SLIT2: variants seen among roughly 807,000 people sequenced by gnomAD.
The protein encoded by SLIT2 is slit homolog 2 protein.
Under a neutral mutation model 185.7 loss-of-function variants are expected in SLIT2, and 41 were observed. The ratio of observed to expected loss-of-function variants is 0.22; its 90% CI spans 0.17 to 0.29. The LOEUF (loss-of-function observed/expected upper bound fraction) is 0.29, where lower values mean the gene tolerates loss of function less well. SLIT2 is among the 10% of genes least tolerant of loss of function. The pLI, the probability that SLIT2 is intolerant of heterozygous loss-of-function variation, is 1.00. For synonymous variants in SLIT2, 693 were observed against 680.2 expected, an observed-to-expected ratio of 1.02 and a Z score of -0.29; for missense variants, 1,571 against 1,909.0, an observed-to-expected ratio of 0.82 and a Z score of 3.30.
intron 21 of SLIT2, among the ~76,000 whole-genome samples, chr4:20,543,073 A>G (rs1324211576): frequency 1.3e-5 from 2 of 151,752 alleles, no homozygotes; most frequent in Non-Finnish European, 2.9e-5. Context: ...TGTACAGGAA[A>G]CTTTTTTTTT....
At chr4:20,560,422 A>T (rs529064960) in intron 26 of SLIT2, among the ~76,000 whole-genome samples, 1 of 152,096 alleles carries the variant, frequency 6.6e-6, no homozygotes, top group Non-Finnish European at 1.5e-5. Flanking sequence ...GAAGAAATTG[A>T]TTATCAGATC....
rs548551043 is a variant in SLIT2, at chr4:20,354,134, C to T, written c.395+85253C>T. Among the ~76,000 whole-genome samples, 3 of 152,154 alleles carry T rather than the reference C, an allele frequency of 2.0e-5. No homozygotes were observed. The South Asian group carries it at 6.2e-4, about 32-fold the overall frequency. Reference sequence around the variant, plus strand: ...TTTGCAATTTCCCTCAAATTAACTACCAGGCAGGCATCAATTTGTCATTTT... The same window carrying T: ...TTTGCAATTTCCCTCAAATTAACTATCAGGCAGGCATCAATTTGTCATTTT... On this transcript the variant is annotated intron_variant, in intron 4 of 36. Transcript: ENST00000504154.
intron 4 of SLIT2, among the ~76,000 whole-genome samples, chr4:20,321,187 A>T (rs538018287): frequency 6.6e-6 from 1 of 152,192 alleles, no homozygotes; most frequent in East Asian, 1.9e-4. Context: ...TCTCCTCCAA[A>T]CCAATGTCTT....
chr4:20,559,198 A>G (rs771052776), intron 26 of SLIT2, among the ~76,000 whole-genome samples: 3 of 152,062 alleles, frequency 2.0e-5, no homozygotes, highest in Non-Finnish European at 4.4e-5. Context: ...GCCTAAATTT[A>G]TCATTTCAAC....
At position 20,542,563 on chromosome 4, in the gene SLIT2, T is replaced by C. The variant is rs1286143561; in HGVS notation, c.2213T>C (p.Val738Ala). ...GAATGTACTTGCTTGGATACAGTCGTCCGATGTAGCAACAAGGGTTTGAAG... is the reference window on the plus strand; with the variant it reads ...GAATGTACTTGCTTGGATACAGTCGCCCGATGTAGCAACAAGGGTTTGAAG... ...PTECTCLDTVVRCSNKGLKVL... is the reference protein window; with the variant it reads ...PTECTCLDTVARCSNKGLKVL... The change falls in exon 21 of 37, where the codon GTC becomes GCC. Residue 738 changes from valine (V) to alanine (A), a missense_variant. Transcript: ENST00000504154. 1 of 1,613,754 alleles carries C rather than the reference T, an allele frequency of 6.2e-7. No individual in the cohort carries two copies. Among genetic ancestry groups the C allele is most frequent in the Non-Finnish European group, 8.5e-7 (1 of 1,179,802 alleles).
intron 33 of SLIT2, among the ~76,000 whole-genome samples, chr4:20,600,804 T>A (rs970559799): frequency 1.3e-5 from 2 of 152,060 alleles, no homozygotes; most frequent in African/African-American, 4.8e-5. Flanking sequence ...ACCAAAAAAA[T>A]TTTCTTGATT....
chr4:20,275,842 G>A (rs1038992859), intron 4 of SLIT2, among the ~76,000 whole-genome samples: 14 of 152,176 alleles, frequency 9.2e-5, no homozygotes, highest in African/African-American at 3.4e-4. Context: ...TATTTAGATT[G>A]CTGTTTTAAT....
At chr4:20,403,285 A>G (rs989233626) in intron 4 of SLIT2, among the ~76,000 whole-genome samples, 57 of 152,082 alleles carry the variant, frequency 3.7e-4, no homozygotes, top group African/African-American at 1.3e-3. Flanking sequence ...TTTGCCTTAC[A>G]ATGAATCATT....
chr4:20,566,766 A>G lies in SLIT2; in HGVS notation c.2726-496A>G, dbSNP rs546032448. The stretch of plus-strand genomic sequence containing the variant: ...TTTGTATCTCCTATATGAAAGTCGT[A>G]CTACTGAGTCAATGTTACCTGGGCA... On this transcript the variant is annotated intron_variant, in intron 26 of 36. Transcript: ENST00000504154. Among the ~76,000 whole-genome samples, 7 of 152,156 alleles carry G rather than the reference A, an allele frequency of 4.6e-5. No individual in the cohort carries two copies. In the South Asian group the frequency reaches 1.2e-3, roughly 27 times the overall value.
At chr4:20,511,686 C>A (rs1369582252) in intron 11 of SLIT2, among the ~76,000 whole-genome samples, 1 of 150,606 alleles carries the variant, frequency 6.6e-6, no homozygotes, top group East Asian at 2.0e-4. Flanking sequence ...TCTCGGCCTC[C>A]CAAAGTGCTG....
At chr4:20,530,910 G>T (rs56265650) in intron 16 of SLIT2, among the ~76,000 whole-genome samples, 47,813 of 150,480 alleles carry the variant, frequency 0.32, 7,936 homozygotes, top group Middle Eastern at 0.42. Context: ...AGTTATTAGG[G>T]ACATTCCAAT....
chr4:20,598,497 C>A, intron 33 of SLIT2, 102 bp downstream of exon 33: 2 of 1,385,718 alleles, frequency 1.4e-6, no homozygotes, highest in Non-Finnish European at 2.0e-6. Flanking sequence ...ACTAAGTTGG[C>A]CCCAGCAGGT....
intron 4 of SLIT2, among the ~76,000 whole-genome samples, chr4:20,341,983 A>G (rs1720996722): frequency 1.3e-5 from 2 of 152,196 alleles, no homozygotes; most frequent in African/African-American, 4.8e-5. Flanking sequence ...CTGGTAGTCA[A>G]AATCTATGAT....
chr4:20,297,702 TG>T (rs1716624369), intron 4 of SLIT2, among the ~76,000 whole-genome samples: 1 of 152,136 alleles, frequency 6.6e-6, no homozygotes, highest in South Asian at 2.1e-4. Context: ...CATGGGTTTT[TG>T]TGAGCAAAAA....
intron 4 of SLIT2, among the ~76,000 whole-genome samples, chr4:20,376,871 C>T (rs767484682): frequency 1.9e-4 from 28 of 149,822 alleles, no homozygotes; most frequent in East Asian, 4.2e-4. Context: ...CAGGGCCTGT[C>T]GTGGAGCGGG....
chr4:20,330,177 T>G (rs1719941481), intron 4 of SLIT2, among the ~76,000 whole-genome samples: 1 of 152,034 alleles, frequency 6.6e-6, no homozygotes, highest in South Asian at 2.1e-4. Flanking sequence ...TATTCTGTGG[T>G]TTTTTTTCTT....
intron 4 of SLIT2, among the ~76,000 whole-genome samples, chr4:20,296,921 C>T (rs543662860): frequency 6.6e-6 from 1 of 152,320 alleles, no homozygotes; most frequent in East Asian, 1.9e-4. Flanking sequence ...GCCCTTTCTT[C>T]TCTGCTAATG....
At chr4:20,430,773 A>G (rs994871885) in intron 4 of SLIT2, among the ~76,000 whole-genome samples, 2 of 152,190 alleles carry the variant, frequency 1.3e-5, no homozygotes, top group Non-Finnish European at 1.5e-5. Flanking sequence ...ACTGCTAACA[A>G]TGACATCACA....
At chr4:20,392,510 A>G (rs568474491) in intron 4 of SLIT2, among the ~76,000 whole-genome samples, 25 of 152,106 alleles carry the variant, frequency 1.6e-4, no homozygotes, top group Non-Finnish European at 3.2e-4. Context: ...ATTTATTTAC[A>G]GTTATTTTTC....
Sources: gnomAD v4.1 joint callset for allele counts (sites outside exome capture counted in the v4.1 genomes callset) on GRCh38, gnomAD v4.1.1 for gene constraint, MANE v1.5 for transcripts, NCBI Gene and HGNC (gene_info 2026-07-23, HGNC 2026-07-21) for gene names.